PLEKHH2: variants seen among roughly 807,000 people sequenced by gnomAD.
PLEKHH2 encodes pleckstrin homology domain-containing family H member 2.
In PLEKHH2, 129 loss-of-function variants were observed where a neutral mutation model predicts 187.9. The observed-to-expected ratio is 0.69, with a 90% CI of 0.59 to 0.79. The LOEUF is 0.79. PLEKHH2 is among the 30% of genes least tolerant of loss of function. The probability of loss-of-function intolerance (pLI) is 0.00; values close to 1 mark genes in which losing one functional copy is unlikely to be tolerated. For synonymous variants in PLEKHH2, 686 were observed against 605.6 expected, an observed-to-expected ratio of 1.13 and a Z score of -1.95; for missense variants, 2,076 against 1,751.2, an observed-to-expected ratio of 1.19 and a Z score of -3.31.
chr2:43,743,104 C>A (rs1312401672), intron 22 of PLEKHH2, among the ~76,000 whole-genome samples, 186 bp downstream of exon 22: 1 of 152,170 alleles, frequency 6.6e-6, no homozygotes, highest in Non-Finnish European at 1.5e-5. Flanking sequence ...ACACTAATAA[C>A]AAATCCATAC....
intron 24 of PLEKHH2, among the ~76,000 whole-genome samples, chr2:43,750,531 G>A (rs542218389): frequency 6.6e-6 from 1 of 151,732 alleles, no homozygotes; most frequent in East Asian, 1.9e-4. Context: ...AGACCTCTGG[G>A]GAATACTACT....
intron 20 of PLEKHH2, 150 bp from the exon 21 acceptor site, chr2:43,740,796 A>G (rs1350129371): frequency 6.1e-6 from 8 of 1,306,274 alleles, no homozygotes; most frequent in African/African-American, 3.0e-5. Context: ...TTTTTAACCT[A>G]TGATAAATGC....
intron 20 of PLEKHH2, among the ~76,000 whole-genome samples, chr2:43,738,879 C>A (rs1396570784): frequency 2.0e-5 from 3 of 152,080 alleles, no homozygotes; most frequent in Non-Finnish European, 2.9e-5. Flanking sequence ...ATAATAAATA[C>A]CTCTGCAGTA....
chr2:43,698,390 G>A (rs1333138192), intron 7 of PLEKHH2, among the ~76,000 whole-genome samples: 1 of 151,830 alleles, frequency 6.6e-6, no homozygotes, highest in Admixed American at 6.6e-5. Context: ...CAGGACTATA[G>A]ACACATGCCA....
chr2:43,754,036 TG>T (rs1010802925), intron 25 of PLEKHH2, among the ~76,000 whole-genome samples: 1 of 152,048 alleles, frequency 6.6e-6, no homozygotes, highest in African/African-American at 2.4e-5. Flanking sequence ...GGAATTGGAG[TG>T]TAGAGCTGTG....
chr2:43,730,462 G>T (rs990576302), intron 18 of PLEKHH2, among the ~76,000 whole-genome samples: 1 of 152,170 alleles, frequency 6.6e-6, no homozygotes, highest in African/African-American at 2.4e-5. Context: ...GCAGTGGCAT[G>T]ATCTCCGCTC....
intron 19 of PLEKHH2, among the ~76,000 whole-genome samples, chr2:43,735,356 G>C (rs1359959479): frequency 6.6e-6 from 1 of 152,154 alleles, no homozygotes; most frequent in African/African-American, 2.4e-5. Context: ...TCACTCATAG[G>C]TGGGAGCTAA....
intron 20 of PLEKHH2, among the ~76,000 whole-genome samples, chr2:43,739,047 A>C (rs1426774478): frequency 1.3e-5 from 2 of 151,662 alleles, no homozygotes; most frequent in Non-Finnish European, 1.5e-5. Flanking sequence ...ATGTGCCAAC[A>C]CTCCCGGCTA....
chr2:43,677,690 G>GCC (rs1231304889), intron 2 of PLEKHH2, among the ~76,000 whole-genome samples: 1 of 151,742 alleles, frequency 6.6e-6, no homozygotes, highest in Non-Finnish European at 1.5e-5. Flanking sequence ...TGTCATCATG[G>GCC]CCCGTTCTCA....
chr2:43,715,465 C>T (rs1014452210), intron 15 of PLEKHH2, among the ~76,000 whole-genome samples: 3 of 152,016 alleles, frequency 2.0e-5, no homozygotes, highest in Non-Finnish European at 4.4e-5. Flanking sequence ...TGGGCATATT[C>T]ATGTTGCTAA....
chr2:43,717,020 A>G (rs182784345), intron 15 of PLEKHH2, among the ~76,000 whole-genome samples: 13 of 152,342 alleles, frequency 8.5e-5, no homozygotes, highest in Admixed American at 2.0e-4. Context: ...GTGATCAAAC[A>G]TGGAAACCCA....
rs576766579 is a variant in PLEKHH2 at position 43,673,608 on chromosome 2, G to T, written c.124-5255G>T. Among the ~76,000 whole-genome samples, 5 of 152,302 alleles carry T rather than the reference G, an allele frequency of 3.3e-5. No homozygotes were observed. The South Asian group carries it at 1.0e-3, about 32-fold the overall frequency. ...ATAAAAATAACACATATATATGGTA[G>T]AAATAGGCTGCTTAAAAAATTTCTA... On this transcript the variant is annotated intron_variant, in intron 2 of 29. Coordinates refer to ENST00000282406, the MANE Select transcript of PLEKHH2 (RefSeq NM_172069.4).
chr2:43,759,271 C>G (rs1672336616), intron 27 of PLEKHH2, among the ~76,000 whole-genome samples: 1 of 152,192 alleles, frequency 6.6e-6, no homozygotes, highest in Non-Finnish European at 1.5e-5. Context: ...GAGTCCTAAA[C>G]CACAGCTGAA....
At chr2:43,732,872 C>T (rs1462809968) in intron 19 of PLEKHH2, among the ~76,000 whole-genome samples, 1 of 152,212 alleles carries the variant, frequency 6.6e-6, no homozygotes, top group Non-Finnish European at 1.5e-5. Flanking sequence ...TGCAATGCTG[C>T]AGAGCATCAA....
At chr2:43,678,459 G>A (rs1450769454) in intron 2 of PLEKHH2, among the ~76,000 whole-genome samples, 5 of 152,226 alleles carry the variant, frequency 3.3e-5, no homozygotes, top group African/African-American at 1.2e-4. Flanking sequence ...TGCAATCCCG[G>A]CACCTCAGGA....
At chr2:43,674,409 G>C (rs1667627407) in intron 2 of PLEKHH2, among the ~76,000 whole-genome samples, 1 of 152,122 alleles carries the variant, frequency 6.6e-6, no homozygotes, top group African/African-American at 2.4e-5. Flanking sequence ...GGAAGAATGT[G>C]GTATTGGCAT....
At chr2:43,657,885 A>C (rs1334533720) in intron 2 of PLEKHH2, among the ~76,000 whole-genome samples, 2 of 152,164 alleles carry the variant, frequency 1.3e-5, no homozygotes, top group Non-Finnish European at 2.9e-5. Flanking sequence ...TTAAAATTTT[A>C]AGGGTAAACA....
chr2:43,654,915 T>C (rs1666675450), intron 2 of PLEKHH2, among the ~76,000 whole-genome samples: 1 of 152,062 alleles, frequency 6.6e-6, no homozygotes. Context: ...TAGTCCCAGC[T>C]ACTCAGGAGG....
chr2:43,744,514 G>C (rs1280956890), intron 23 of PLEKHH2, among the ~76,000 whole-genome samples: 2 of 152,166 alleles, frequency 1.3e-5, no homozygotes, highest in African/African-American at 4.8e-5. Context: ...GAAAGAGAGA[G>C]TTTAAGTTCA....
Sources: gnomAD v4.1 joint callset for allele counts (sites outside exome capture counted in the v4.1 genomes callset) on GRCh38, gnomAD v4.1.1 for gene constraint, MANE v1.5 for transcripts, NCBI Gene and HGNC (gene_info 2026-07-23, HGNC 2026-07-21) for gene names.